FBXO15: variants seen among roughly 807,000 people sequenced by gnomAD.
FBXO15 encodes the protein F-box protein 15.
FBXO15 carries 30 observed loss-of-function variants against 49.5 expected under a neutral mutation model. The observed-to-expected ratio is 0.61, with a 90% CI of 0.45 to 0.82. The LOEUF (loss-of-function observed/expected upper bound fraction) is 0.82. Among genes scored for constraint, FBXO15 ranks in the 40% least tolerant of loss-of-function variants. The pLI is 0.00. For missense variants in FBXO15, 591 were observed against 631.5 expected (o/e 0.94, Z 0.69); for synonymous variants, 250 against 232.7 (o/e 1.07, Z -0.68).
rs572705725 is a variant in FBXO15, at chr18:74,121,516, T to C, written c.1138+1852A>G. ...GGATGGAACAATTCAACAACATAGATGTTACTATACCTCAGGTTAATATGT... is the reference window on the plus strand; with the variant it reads ...GGATGGAACAATTCAACAACATAGACGTTACTATACCTCAGGTTAATATGT... On this transcript the variant is annotated intron_variant, in intron 8 of 9. Transcript: ENST00000419743. Among the ~76,000 whole-genome samples, 15 of 152,304 alleles carry C rather than the reference T, an allele frequency of 9.8e-5. No individual in the cohort carries two copies. The East Asian group carries it at 2.9e-3, about 29-fold the overall frequency.
intron 8 of FBXO15, among the ~76,000 whole-genome samples, chr18:74,119,642 A>G (rs1914386741): frequency 6.6e-6 from 1 of 152,182 alleles, no homozygotes; most frequent in African/African-American, 2.4e-5. Context: ...TGGGGCAGTA[A>G]CACTGCAGGC....
At chr18:74,130,299 G>T in intron 4 of FBXO15, 117 bp downstream of exon 4, 1 of 1,366,916 alleles carries the variant, frequency 7.3e-7, no homozygotes, top group Non-Finnish European at 9.9e-7. Flanking sequence ...TTTTATAGAT[G>T]CACAAAACAC....
intron 8 of FBXO15, among the ~76,000 whole-genome samples, chr18:74,091,412 G>GTGT (rs74763532): frequency 0.087 from 13,300 of 152,176 alleles, 817 homozygotes; most frequent in Admixed American, 0.2. Context: ...TTGTGCTGCT[G>GTGT]TGTCTAGATT....
chr18:74,127,132 G>T (rs1978291225), intron 5 of FBXO15, among the ~76,000 whole-genome samples: 1 of 152,224 alleles, frequency 6.6e-6, no homozygotes, highest in African/African-American at 2.4e-5. Context: ...CTGCTGAGTG[G>T]GGACAAGAGC....
chr18:74,141,005 T>C (rs1244490983), intron 1 of FBXO15, among the ~76,000 whole-genome samples: 1 of 152,224 alleles, frequency 6.6e-6, no homozygotes, highest in Non-Finnish European at 1.5e-5. Flanking sequence ...CAAATACTCA[T>C]CCACAAACTT....
intron 8 of FBXO15, among the ~76,000 whole-genome samples, chr18:74,101,412 G>A (rs1207134886): frequency 3.3e-5 from 5 of 151,808 alleles, no homozygotes; most frequent in African/African-American, 1.2e-4. Context: ...ATACCTCAAT[G>A]TAATAAAAGC....
At chr18:74,130,377 A>G (rs768485078) in intron 4 of FBXO15, 39 bp downstream of exon 4, 10 of 1,610,768 alleles carry the variant, frequency 6.2e-6, no homozygotes, top group Non-Finnish European at 7.6e-6. Flanking sequence ...CGATACTTTG[A>G]GCTGATGCCA....
At chr18:74,143,701 T>C (rs1188036201) in intron 1 of FBXO15, among the ~76,000 whole-genome samples, 1 of 152,260 alleles carries the variant, frequency 6.6e-6, no homozygotes, top group Non-Finnish European at 1.5e-5. Flanking sequence ...CAACCCAGGT[T>C]AAGTGTTTGA....
At chr18:74,118,435 TAC>T (rs1278857040) in intron 8 of FBXO15, among the ~76,000 whole-genome samples, 2 of 151,670 alleles carry the variant, frequency 1.3e-5, no homozygotes, top group Non-Finnish European at 2.9e-5. Flanking sequence ...TATGTGTATA[TAC>T]ACACACACAT....
chr18:74,079,753 C>T lies in FBXO15; in HGVS notation c.1263+2174G>A, dbSNP rs543705580. ...ATACTTTCCACCTGAATTACCTCCA[C>T]ACCAGTAAGTGTTGGAGGTCACTCA... On this transcript the variant is annotated intron_variant, in intron 9 of 9. Coordinates refer to ENST00000419743, the MANE Select transcript of FBXO15 (RefSeq NM_001142958.2). Among the ~76,000 whole-genome samples, 5 of 152,312 alleles carry T rather than the reference C, an allele frequency of 3.3e-5. No homozygotes were observed. In the East Asian group the frequency reaches 5.8e-4, roughly 18 times the overall value.
chr18:74,111,271 A>G (rs1914019294), intron 8 of FBXO15, among the ~76,000 whole-genome samples: 1 of 151,572 alleles, frequency 6.6e-6, no homozygotes, highest in South Asian at 2.1e-4. Flanking sequence ...CAAAAAAAAA[A>G]AAAAAAAGAA....
rs1030870418 is a variant in FBXO15 at position 74,123,221 on chromosome 18, C to T, written c.1138+147G>A. ...GGTCCAGTGAGGACTTTCACAAGCC[C>T]TGGGATGACACACGGGTCTGGGAGG... On this transcript the variant is annotated intron_variant, in intron 8 of 9. Transcript: ENST00000419743. The T allele has an allele frequency of 1.1e-5, 9 of 832,358 alleles. No homozygotes were observed. The African/African-American group carries it at 1.6e-4, about 15-fold the overall frequency. 51.6% of individuals were successfully genotyped at this position (832,358 alleles called of 1,614,324 possible). A position where few individuals can be genotyped will look rare whatever the true frequency, so the allele number is the denominator to read the frequency against.
chr18:74,092,036 T>C (rs1005344025), intron 8 of FBXO15, among the ~76,000 whole-genome samples: 5 of 152,224 alleles, frequency 3.3e-5, no homozygotes, highest in African/African-American at 9.6e-5. Context: ...GTAGATTTGG[T>C]CTCTTTAATC....
rs573360212 is a variant in FBXO15 at position 74,116,952 on chromosome 18, TCC to T, written c.1138+6414_1138+6415del. Among the ~76,000 whole-genome samples the T allele has an allele frequency of 5.6e-3, 845 of 152,074 alleles. 8 individuals are homozygous for T. The highest frequency in any genetic ancestry group is 0.02 in the African/African-American group (813 of 41,454). ...GAAGAGAGCAGAGAGCCACCTACAT[TCC>T]ACAGACGTGACGACAGAACATTTTA... is the stretch of plus-strand genomic sequence containing the variant. On this transcript the variant is annotated intron_variant, in intron 8 of 9. Transcript: ENST00000419743.
intron 8 of FBXO15, among the ~76,000 whole-genome samples, chr18:74,111,032 G>T (rs1914005673): frequency 6.6e-6 from 1 of 152,054 alleles, no homozygotes; most frequent in Non-Finnish European, 1.5e-5. Flanking sequence ...GGACATAAGT[G>T]AACTCAACAA....
chr18:74,080,641 CTG>C (rs1912453944), intron 9 of FBXO15, among the ~76,000 whole-genome samples: 1 of 152,234 alleles, frequency 6.6e-6, no homozygotes, highest in South Asian at 2.1e-4. Flanking sequence ...TATGAGAAAT[CTG>C]TGAGTGCATC....
rs369207640 is a variant in FBXO15, at chr18:74,103,750, C to T, written c.1138+19618G>A. On this transcript the variant is annotated intron_variant, in intron 8 of 9. Transcript: ENST00000419743. ...AGTGCTGAAAGAAAAAGAAAATTGC[C>T]ATCCAAGAATATTGTATCTGGAAAA... 1.6e-4 allele frequency among the ~76,000 whole-genome samples: 25 copies of T among 152,154 alleles called. 1 individual carries two copies. Among genetic ancestry groups the T allele is most frequent in the Admixed American group, 1.2e-3 (18 of 15,266 alleles).
At chr18:74,131,789 G>A (rs572526541) in intron 3 of FBXO15, among the ~76,000 whole-genome samples, 1 of 152,198 alleles carries the variant, frequency 6.6e-6, no homozygotes, top group Non-Finnish European at 1.5e-5. Flanking sequence ...GAGCAGCATG[G>A]GATGAAGCAG....
intron 3 of FBXO15, 143 bp downstream of exon 3, chr18:74,135,615 ATAGT>A (rs1978667098): frequency 9.5e-6 from 6 of 633,390 alleles, no homozygotes; most frequent in Non-Finnish European, 1.6e-5. Context: ...TGAAAATTTC[ATAGT>A]TAAAGCATTT....
Sources: gnomAD v4.1 joint callset for allele counts (sites outside exome capture counted in the v4.1 genomes callset) on GRCh38, gnomAD v4.1.1 for gene constraint, MANE v1.5 for transcripts, NCBI Gene and HGNC (gene_info 2026-07-23, HGNC 2026-07-21) for gene names.